DNAJC24: variants seen among roughly 807,000 people sequenced by gnomAD.
The protein encoded by DNAJC24 is DnaJ heat shock protein family (Hsp40) member C24, also known as dnaJ homolog subfamily C member 24.
Under a neutral mutation model 18.0 loss-of-function variants are expected in DNAJC24, and 17 were observed. That is an observed-to-expected ratio of 0.94 (90% CI 0.65 to 1.42). The LOEUF is 1.42. DNAJC24 is among the 40% of genes most tolerant of loss of function. The probability of loss-of-function intolerance (pLI) is 0.00; values close to 1 mark genes in which losing one functional copy is unlikely to be tolerated. For missense variants in DNAJC24, 158 were observed against 175.6 expected (o/e 0.90, Z 0.57); for synonymous variants, 55 against 57.7 (o/e 0.95, Z 0.21).
intron 3 of DNAJC24, among the ~76,000 whole-genome samples, chr11:31,426,045 T>C (rs998068635): frequency 5.9e-5 from 9 of 152,196 alleles, no homozygotes; most frequent in Non-Finnish European, 1.3e-4. Context: ...CCATGTTGCA[T>C]GATTGTGAAA....
At chr11:31,380,304 A>G (rs1456037286) in intron 2 of DNAJC24, among the ~76,000 whole-genome samples, 1 of 152,238 alleles carries the variant, frequency 6.6e-6, no homozygotes, top group Non-Finnish European at 1.5e-5. Context: ...AAGACACATA[A>G]TAAATATTCA....
chr11:31,372,795 A>T (rs1952278553), intron 2 of DNAJC24, among the ~76,000 whole-genome samples: 1 of 135,366 alleles, frequency 7.4e-6, no homozygotes, highest in African/African-American at 2.5e-5. Context: ...GCCACCATTG[A>T]CATTTTGGGC....
At position 31,411,042 on chromosome 11, in the gene DNAJC24, A is replaced by AT. The variant is rs1158935429; in HGVS notation, c.112-3767dup. Among the ~76,000 whole-genome samples the AT allele has an allele frequency of 5.3e-5, 8 of 152,306 alleles. No individual in the cohort carries two copies. In the East Asian group the frequency reaches 1.5e-3, roughly 29 times the overall value. On this transcript the variant is annotated intron_variant, in intron 2 of 4. Transcript: ENST00000465995. The stretch of plus-strand genomic sequence containing the variant: ...GTAGGAAGGTCTTTGGCTAGTGGGG[A>AT]TTAAAAGAAATTAAGGGCAAGAAAA...
chr11:31,413,848 A>G (rs2133497218), intron 2 of DNAJC24, among the ~76,000 whole-genome samples: 1 of 152,304 alleles, frequency 6.6e-6, no homozygotes, highest in East Asian at 1.9e-4. Context: ...TTTCACTGAA[A>G]TGTCTCTAAA....
intron 2 of DNAJC24, among the ~76,000 whole-genome samples, chr11:31,395,206 T>C (rs1428040036): frequency 6.6e-6 from 1 of 152,248 alleles, no homozygotes; most frequent in Non-Finnish European, 1.5e-5. Flanking sequence ...TGGAAAGGAA[T>C]GATCTCATTC....
At chr11:31,405,152 C>G (rs1166836345) in intron 2 of DNAJC24, among the ~76,000 whole-genome samples, 2 of 150,318 alleles carry the variant, frequency 1.3e-5, no homozygotes, top group Non-Finnish European at 3.0e-5. Context: ...TCACTGCAAC[C>G]TCCGCTTCCC....
intron 3 of DNAJC24, among the ~76,000 whole-genome samples, chr11:31,417,969 T>C (rs748321858): frequency 1.6e-4 from 24 of 152,120 alleles, no homozygotes; most frequent in Non-Finnish European, 3.2e-4. Context: ...GTATTGCATG[T>C]ATGTTTTTTT....
chr11:31,432,475 A>G lies in DNAJC24; in HGVS notation c.*2074A>G. ...AAATTCACATGAAAAGGAGACAATA[A>G]TCAAGTCAAAAGAATAAATGCTTAC... On this transcript the variant is annotated 3_prime_UTR_variant, in exon 5 of 5. Transcript: ENST00000465995. 1.3e-6 allele frequency: 2 copies of G among 1,542,230 alleles called. No individual in the cohort carries two copies. The highest frequency in any genetic ancestry group is 1.8e-6 in the Non-Finnish European group (2 of 1,116,176).
At chr11:31,394,994 C>T (rs1395263123) in intron 2 of DNAJC24, among the ~76,000 whole-genome samples, 3 of 152,090 alleles carry the variant, frequency 2.0e-5, no homozygotes, top group South Asian at 2.1e-4. Flanking sequence ...AAGCATAGTA[C>T]CCCCAATTGG....
intron 2 of DNAJC24, among the ~76,000 whole-genome samples, chr11:31,412,459 T>A (rs779568351): frequency 1.6e-4 from 24 of 152,196 alleles, no homozygotes; most frequent in Admixed American, 7.9e-4. Context: ...CATTTACTTA[T>A]ACTAAGCTTG....
At chr11:31,374,245 T>C (rs1369045475) in intron 2 of DNAJC24, 1 of 207,432 alleles carries the variant, frequency 4.8e-6, no homozygotes, top group African/African-American at 2.3e-5. Context: ...AAGATGCCCT[T>C]TATCAGCTTG....
At position 31,428,987 on chromosome 11, in the gene DNAJC24, G is replaced by A. The variant is rs2273678; in HGVS notation, c.320-1284G>A. On this transcript the variant is annotated intron_variant, in intron 4 of 4. Transcript: ENST00000465995. ...CACTGAGGTAGTAGAAAAACAAGGG[G>A]GTAGGGGGAGATTTAGCTTAGGAAA... Among the ~76,000 whole-genome samples the A allele has an allele frequency of 1.1e-3, 168 of 152,116 alleles. 4 individuals are homozygous for A. In the East Asian group the frequency reaches 0.026, roughly 24 times the overall value.
intron 2 of DNAJC24, among the ~76,000 whole-genome samples, chr11:31,371,295 A>G (rs1408888639): frequency 1.3e-5 from 2 of 150,484 alleles, no homozygotes; most frequent in African/African-American, 2.5e-5. Flanking sequence ...ACTGGATTTT[A>G]AAGACAGTAT....
intron 2 of DNAJC24, chr11:31,396,461 G>T (rs1232112266): frequency 9.7e-6 from 3 of 309,890 alleles, no homozygotes; most frequent in South Asian, 3.0e-5. Flanking sequence ...AACTCAAAAA[G>T]GTTAAGACAG....
At chr11:31,417,431 A>G (rs1952760441) in intron 3 of DNAJC24, 1 of 152,078 alleles carries the variant, frequency 6.6e-6, no homozygotes, top group Admixed American at 6.6e-5. Context: ...GAACATCTCT[A>G]AAAGTGAGGA....
At chr11:31,381,319 T>G (rs1238944942) in intron 2 of DNAJC24, among the ~76,000 whole-genome samples, 1 of 152,176 alleles carries the variant, frequency 6.6e-6, no homozygotes. Flanking sequence ...ATATCTGTGC[T>G]TGAATTATTT....
chr11:31,384,272 C>T (rs1344088272), intron 2 of DNAJC24, among the ~76,000 whole-genome samples: 3 of 152,156 alleles, frequency 2.0e-5, no homozygotes, highest in Non-Finnish European at 2.9e-5. Flanking sequence ...CTCCCCACTT[C>T]TTAGATGTTC....
In DNAJC24 at chr11:31,430,865, G is replaced by A. The variant is rs1952915819; in HGVS notation, c.*464G>A. On this transcript the variant is annotated 3_prime_UTR_variant, in exon 5 of 5. Coordinates refer to ENST00000465995, the MANE Select transcript of DNAJC24 (RefSeq NM_181706.5). The stretch of plus-strand genomic sequence containing the variant: ...TGAGGCCAGTTCTTCCATAAGGAAG[G>A]CTGGTTATGGATATTCATAAGGTTA... 6.6e-6 allele frequency: 1 copy of A among 152,578 alleles called. No homozygotes were observed. Among genetic ancestry groups the A allele is most frequent in the Non-Finnish European group, 1.5e-5 (1 of 68,048 alleles). 9.5% of individuals were successfully genotyped at this position (152,578 alleles called of 1,614,324 possible).
intron 4 of DNAJC24, chr11:31,429,497 C>A: frequency 2.5e-6 from 1 of 395,358 alleles, no homozygotes; most frequent in Non-Finnish European, 5.4e-6. Flanking sequence ...TTCTCAGAGA[C>A]AGTAAAATGG....
Sources: gnomAD v4.1 joint callset for allele counts (sites outside exome capture counted in the v4.1 genomes callset) on GRCh38, gnomAD v4.1.1 for gene constraint, MANE v1.5 for transcripts, NCBI Gene and HGNC (gene_info 2026-07-23, HGNC 2026-07-21) for gene names.